The following PARD3 variants were observed in gnomAD, a reference collection of about 807,000 sequenced individuals.
PARD3 encodes the protein par-3 family cell polarity regulator.
In PARD3, 75 loss-of-function variants were observed where a neutral mutation model predicts 155.4. That is an observed-to-expected ratio of 0.48 (90% CI 0.40 to 0.58). The LOEUF is 0.58. PARD3 is among the 20% of genes least tolerant of loss of function. PARD3 has a pLI of 0.00. For missense variants in PARD3, 1,642 were observed against 1,721.7 expected (o/e 0.95, Z 0.82); for synonymous variants, 576 against 610.5 (o/e 0.94, Z 0.83).
In PARD3 at chr10:34,695,214, C is replaced by T. The variant is rs557345122; in HGVS notation, c.222+1104G>A. ...GGCCAGGGCCGGGTGTGGTGGCTCA[C>T]ATCTGTAATGCCAACACTTTGAGAG... On this transcript the variant is annotated intron_variant, in intron 2 of 24. Transcript: ENST00000374788. Among the ~76,000 whole-genome samples the T allele has an allele frequency of 5.4e-4, 82 of 152,328 alleles. 1 individual carries two copies. The highest frequency in any genetic ancestry group is 1.9e-3 in the African/African-American group (80 of 41,566).
chr10:34,225,792 AAACAT>A (rs1952569571), intron 22 of PARD3, among the ~76,000 whole-genome samples: 1 of 152,240 alleles, frequency 6.6e-6, no homozygotes, highest in South Asian at 2.1e-4. Flanking sequence ...TTCTGGAAGA[AAACAT>A]AAGAGAAAAA....
chr10:34,491,903 G>C (rs2079934648), intron 3 of PARD3, among the ~76,000 whole-genome samples: 1 of 151,968 alleles, frequency 6.6e-6, no homozygotes, highest in South Asian at 2.1e-4. Context: ...AGAACCACTG[G>C]GGGGAAAAAA....
intron 2 of PARD3, among the ~76,000 whole-genome samples, chr10:34,527,933 T>C (rs1425596044): frequency 1.3e-5 from 2 of 152,228 alleles, no homozygotes; most frequent in Admixed American, 6.5e-5. Context: ...GCCTAAATTA[T>C]CTTCAGTATG....
At chr10:34,494,464 G>A (rs1357315303) in intron 3 of PARD3, among the ~76,000 whole-genome samples, 2 of 152,188 alleles carry the variant, frequency 1.3e-5, no homozygotes, top group Non-Finnish European at 2.9e-5. Flanking sequence ...GTAGAAGGAA[G>A]AGAGATGTGA....
chr10:34,751,811 T>C (rs957572545), intron 1 of PARD3, among the ~76,000 whole-genome samples: 1 of 151,452 alleles, frequency 6.6e-6, no homozygotes, highest in Non-Finnish European at 1.5e-5. Flanking sequence ...TCTTGCTATG[T>C]TGCCCAAGCT....
chr10:34,112,378 G>C (rs1327214535), intron 24 of PARD3, among the ~76,000 whole-genome samples: 1 of 152,144 alleles, frequency 6.6e-6, no homozygotes, highest in Admixed American at 6.5e-5. Flanking sequence ...ATGATTTCCA[G>C]GAAACATTAT....
At chr10:34,427,985 G>A (rs1372782072) in intron 5 of PARD3, among the ~76,000 whole-genome samples, 3 of 152,082 alleles carry the variant, frequency 2.0e-5, no homozygotes, top group African/African-American at 7.2e-5. Context: ...TGATGGCAAT[G>A]GGCAAATGCT....
At chr10:34,599,131 C>A (rs1348372084) in intron 2 of PARD3, among the ~76,000 whole-genome samples, 1 of 152,196 alleles carries the variant, frequency 6.6e-6, no homozygotes, top group African/African-American at 2.4e-5. Context: ...ACAAAACCCA[C>A]AAGCAACCGC....
chr10:34,734,322 C>CTTTTT lies in PARD3; in HGVS notation c.121-37908_121-37904dup, dbSNP rs142307338. ...ACACATATAACAAATATATGGGGCC[C>CTTTTT]TTTTTTTTTTTTTTTTTTTTTTTTT... is the stretch of plus-strand genomic sequence containing the variant. On this transcript the variant is annotated intron_variant, in intron 1 of 24. Coordinates refer to ENST00000374788, the MANE Select transcript of PARD3 (RefSeq NM_001184785.2). 3.2e-3 allele frequency among the ~76,000 whole-genome samples: 215 copies of CTTTTT among 68,000 alleles called. 8 individuals carry two copies. The highest frequency in any genetic ancestry group is 0.012 in the African/African-American group (201 of 16,698). The allele number at this position is 68,000 out of a possible 152,430, so 44.6% of individuals were successfully genotyped here.
intron 22 of PARD3, among the ~76,000 whole-genome samples, chr10:34,138,892 TA>T (rs559786540): frequency 5.5e-5 from 8 of 145,784 alleles, no homozygotes; most frequent in Admixed American, 2.7e-4. Flanking sequence ...TTTTCCCAAT[TA>T]AAAAAAAATT....
intron 4 of PARD3, among the ~76,000 whole-genome samples, chr10:34,459,656 CTTA>C (rs2077523346): frequency 1.3e-5 from 2 of 152,068 alleles, no homozygotes; most frequent in East Asian, 3.9e-4. Context: ...TACCTACAGT[CTTA>C]TACATTATTT....
chr10:34,398,840 G>C (rs535001848), intron 7 of PARD3, among the ~76,000 whole-genome samples: 1 of 152,130 alleles, frequency 6.6e-6, no homozygotes, highest in South Asian at 2.1e-4. Context: ...GAAATCTATG[G>C]CTTGCCTAAT....
intron 22 of PARD3, among the ~76,000 whole-genome samples, chr10:34,204,190 A>G (rs1414868420): frequency 6.6e-6 from 1 of 152,204 alleles, no homozygotes; most frequent in African/African-American, 2.4e-5. Flanking sequence ...GAAAGTTGCA[A>G]GTACCGTGTG....
intron 2 of PARD3, among the ~76,000 whole-genome samples, chr10:34,684,685 C>G (rs766846824): frequency 6.6e-6 from 1 of 151,940 alleles, no homozygotes; most frequent in Non-Finnish European, 1.5e-5. Flanking sequence ...TTCACACAGC[C>G]ACCAGGGGGA....
At chr10:34,756,150 CTTTTTTTTTTT>C (rs58993670) in intron 1 of PARD3, among the ~76,000 whole-genome samples, 1 of 94,544 alleles carries the variant, frequency 1.1e-5, no homozygotes, top group South Asian at 4.0e-4. Context: ...AAAAATGCAC[CTTTTTTTTTTT>C]TTTTTTTTTT....
chr10:34,422,978 C>T (rs2075399665), intron 5 of PARD3, among the ~76,000 whole-genome samples: 1 of 152,160 alleles, frequency 6.6e-6, no homozygotes, highest in African/African-American at 2.4e-5. Context: ...GATAGCTGTA[C>T]TCACATGTTT....
At chr10:34,448,556 T>G (rs762081551) in intron 5 of PARD3, among the ~76,000 whole-genome samples, 1 of 152,126 alleles carries the variant, frequency 6.6e-6, no homozygotes, top group South Asian at 2.1e-4. Context: ...CCATGACACT[T>G]TGGGAGGCCA....
At chr10:34,430,861 C>A (rs531590732) in intron 5 of PARD3, among the ~76,000 whole-genome samples, 1 of 152,160 alleles carries the variant, frequency 6.6e-6, no homozygotes, top group African/African-American at 2.4e-5. Flanking sequence ...TGATTGTGGG[C>A]ATATTACACC....
At chr10:34,266,390 C>G (rs1286556745) in intron 22 of PARD3, among the ~76,000 whole-genome samples, 2 of 152,114 alleles carry the variant, frequency 1.3e-5, no homozygotes, top group Admixed American at 1.3e-4. Flanking sequence ...ATGATAATTC[C>G]CAACTTTTTG....
Sources: gnomAD v4.1 joint callset for allele counts (sites outside exome capture counted in the v4.1 genomes callset) on GRCh38, gnomAD v4.1.1 for gene constraint, MANE v1.5 for transcripts, NCBI Gene and HGNC (gene_info 2026-07-23, HGNC 2026-07-21) for gene names.